COL4A6: variants seen among roughly 807,000 people sequenced by gnomAD.
COL4A6 encodes the protein collagen alpha-6(IV) chain.
COL4A6 carries 59 observed loss-of-function variants against 126.7 expected under a neutral mutation model. The ratio of observed to expected loss-of-function variants is 0.47; its 90% confidence interval spans 0.38 to 0.58. The LOEUF (loss-of-function observed/expected upper bound fraction) is 0.58, where lower values mean the gene tolerates loss of function less well. Ranked by LOEUF, COL4A6 falls within the 20% of genes least tolerant of loss-of-function variation. The pLI is 0.00. For synonymous variants in COL4A6, 547 were observed against 496.6 expected (o/e 1.10, Z -1.35); for missense variants, 1,285 against 1,337.3 (o/e 0.96, Z 0.61).
At chrX:108,323,992 A>G (rs781218039) in intron 2 of COL4A6, among the ~76,000 whole-genome samples, 14 of 112,620 alleles carry the variant, frequency 1.2e-4, no homozygotes, top group Non-Finnish European at 2.4e-4. Context: ...AGTGAGTGTC[A>G]TGGCCTTTAG....
chrX:108,218,456 C>T lies in COL4A6; in HGVS notation c.324+1242G>A, dbSNP rs757342516. On this transcript the variant is annotated intron_variant, in intron 5 of 44. Coordinates refer to ENST00000334504, the MANE Select transcript of COL4A6 (RefSeq NM_033641.4). The stretch of plus-strand genomic sequence containing the variant: ...GCAGACTCTGCAGTTGAATAAAATG[C>T]TGAAGTCTGATGGCCGATTTGTTGA... Among the ~76,000 whole-genome samples the T allele has an allele frequency of 6.2e-5, 7 of 112,716 alleles. No individual in the cohort carries two copies. The South Asian group carries it at 2.2e-3, about 36-fold the overall frequency.
chrX:108,203,083 G>T, intron 12 of COL4A6, 102 bp from the exon 13 acceptor site: 1 of 668,447 alleles, frequency 1.5e-6, no homozygotes. Context: ...GGGAACCAAT[G>T]AAGTATCAAG....
chrX:108,170,985 G>T, intron 33 of COL4A6, 68 bp from the exon 34 acceptor site: 1 of 968,612 alleles, frequency 1.0e-6, no homozygotes, highest in Non-Finnish European at 1.5e-6. Flanking sequence ...CTATGGGAAA[G>T]AGTAGATTCT....
At chrX:108,434,970 G>A (rs981209685) in intron 2 of COL4A6, among the ~76,000 whole-genome samples, 60 of 110,320 alleles carry the variant, frequency 5.4e-4, no homozygotes, top group African/African-American at 2.0e-3. Context: ...CTCCATCGCT[G>A]AACTCCCTTA....
intron 2 of COL4A6, among the ~76,000 whole-genome samples, chrX:108,375,067 T>C (rs1048436224): frequency 3.6e-5 from 4 of 112,082 alleles, no homozygotes; most frequent in Non-Finnish European, 7.5e-5. Flanking sequence ...GGACTTAGGA[T>C]CATTTTAAGT....
intron 2 of COL4A6, among the ~76,000 whole-genome samples, chrX:108,359,286 T>G (rs1012126996): frequency 4.4e-5 from 5 of 112,380 alleles, no homozygotes; most frequent in Non-Finnish European, 9.4e-5. Flanking sequence ...AAAGAATAAG[T>G]AAATTACCGA....
Position 108,179,366 on chromosome X carries a change from C to T in COL4A6, c.2204G>A (p.Gly735Glu), listed in dbSNP as rs369084913. 1 of 1,209,054 alleles carries T rather than the reference C, an allele frequency of 8.3e-7. No homozygotes were observed. Among genetic ancestry groups the T allele is most frequent in the African/African-American group, 1.8e-5 (1 of 57,014 alleles). The change falls in exon 26 of 45, where the codon GGG (glycine) becomes GAG (glutamate). Residue 735 changes from glycine to glutamate, a missense_variant. Transcript: ENST00000334504. ...PGLPGKDGLP[G>E]MIGSPGLPGS... Reference sequence around the variant, plus strand: ...AGGTAAGCCTGGACTGCCAATCATCCCAGGCAAGCCATCTTTTCCAGGGAG... The same window carrying T: ...AGGTAAGCCTGGACTGCCAATCATCTCAGGCAAGCCATCTTTTCCAGGGAG...
chrX:108,232,022 A>T (rs2036321179), intron 3 of COL4A6, among the ~76,000 whole-genome samples: 1 of 111,549 alleles, frequency 9.0e-6, no homozygotes, highest in Admixed American at 9.6e-5. Context: ...CAATGCTAGC[A>T]TATTAGTTTA....
intron 3 of COL4A6, among the ~76,000 whole-genome samples, chrX:108,232,150 A>G (rs192095704): frequency 6.2e-5 from 7 of 112,070 alleles, no homozygotes; most frequent in Admixed American, 1.9e-4. Flanking sequence ...AATGTCAATA[A>G]TTGTTAAAAT....
At chrX:108,178,296 C>T (rs1179340954) in intron 27 of COL4A6, among the ~76,000 whole-genome samples, 1 of 112,481 alleles carries the variant, frequency 8.9e-6, no homozygotes, top group East Asian at 2.8e-4. Context: ...TGTGGTCACA[C>T]TCTGCTCAAG....
Position 108,187,937 on chromosome X carries a change from C to A in COL4A6, c.1678G>T (p.Gly560Cys). 1 of 1,209,762 alleles carries A rather than the reference C, an allele frequency of 8.3e-7. No homozygotes were observed. Among genetic ancestry groups the A allele is most frequent in the Non-Finnish European group, 1.1e-6 (1 of 894,218 alleles). The change falls in exon 22 of 45, where the codon GGT becomes TGT. Residue 560 changes from glycine (G) to cysteine (C), a missense_variant. By Grantham distance (159) the Gly-to-Cys change is radical. Transcript: ENST00000334504. Reference sequence around the variant, plus strand: ...CGGAAGCCCTGGGAGCCAGAATCACCCCGATCTCCTGGCATTCCTTGGATT... The same window carrying A: ...CGGAAGCCCTGGGAGCCAGAATCACACCGATCTCCTGGCATTCCTTGGATT... ...STIQGMPGDR[G>C]DSGSQGFRGV...
At chrX:108,292,811 A>G (rs2038195980) in intron 3 of COL4A6, among the ~76,000 whole-genome samples, 2 of 108,757 alleles carry the variant, frequency 1.8e-5, no homozygotes, top group South Asian at 8.2e-4. Context: ...ACCACACAGT[A>G]GAAGGAAAAG....
intron 2 of COL4A6, among the ~76,000 whole-genome samples, chrX:108,375,224 G>T (rs2040409880): frequency 9.0e-6 from 1 of 111,554 alleles, no homozygotes. Context: ...CATTTTGATG[G>T]TGCTTATCTC....
intron 16 of COL4A6, 43 bp downstream of exon 16, chrX:108,194,491 T>A: frequency 8.8e-7 from 1 of 1,142,719 alleles, no homozygotes; most frequent in Non-Finnish European, 1.2e-6. Flanking sequence ...GGTAATTCAC[T>A]CTTCTACCTA....
At chrX:108,408,181 C>T (rs1229456407) in intron 2 of COL4A6, among the ~76,000 whole-genome samples, 2 of 110,985 alleles carry the variant, frequency 1.8e-5, no homozygotes, top group Admixed American at 9.6e-5. Flanking sequence ...TGTGGTGGCA[C>T]ATGGCCTATA....
chrX:108,165,228 T>A, intron 38 of COL4A6, 142 bp downstream of exon 38: 2 of 742,435 alleles, frequency 2.7e-6, no homozygotes, highest in Non-Finnish European at 4.2e-6. Flanking sequence ...AAGTCCCCTG[T>A]GTCCCCACTC....
At chrX:108,343,134 AATATATATATAT>A (rs555568295) in intron 2 of COL4A6, among the ~76,000 whole-genome samples, 2 of 55,179 alleles carry the variant, frequency 3.6e-5, no homozygotes, top group African/African-American at 1.5e-4. Flanking sequence ...GATTAATGGG[AATATATATATAT>A]ATATATATAT....
intron 3 of COL4A6, among the ~76,000 whole-genome samples, chrX:108,242,797 G>C (rs191167540): frequency 2.4e-4 from 27 of 110,891 alleles, no homozygotes; most frequent in Admixed American, 3.8e-4. Context: ...GGATGTCTTC[G>C]GTGGCCCTCT....
chrX:108,294,415 G>GTTTTTTT (rs1569412233), intron 3 of COL4A6, among the ~76,000 whole-genome samples: 2 of 90,585 alleles, frequency 2.2e-5, no homozygotes, highest in Non-Finnish European at 2.0e-5. Context: ...TTTTTTTTTG[G>GTTTTTTT]TGTGTGTGTG....
Sources: allele counts gnomAD v4.1 joint callset (sites outside exome capture counted in the v4.1 genomes callset), GRCh38; gene constraint gnomAD v4.1.1; transcripts MANE v1.5; gene names NCBI Gene and HGNC (gene_info 2026-07-23, HGNC 2026-07-21).